Variants in HYCC2 observed in about 807,000 individuals in gnomAD.
The protein encoded by HYCC2 is hyccin 2.
chr2:201,058,011 C>A, the HYCC2 span, among the ~76,000 whole-genome samples: 1 of 152,158 alleles, frequency 6.6e-6, no homozygotes, highest in African/African-American at 2.4e-5. Context: ...TTCCCCTCAC[C>A]AATGCTGATC....
At chr2:201,013,809 C>A in the HYCC2 span, among the ~76,000 whole-genome samples, 1 of 152,144 alleles carries the variant, frequency 6.6e-6, no homozygotes, top group Non-Finnish European at 1.5e-5. Context: ...AAGCCAAGTA[C>A]TTTTGATTTA....
chr2:201,045,909 C>T, the HYCC2 span, among the ~76,000 whole-genome samples: 1 of 152,136 alleles, frequency 6.6e-6, no homozygotes, highest in Admixed American at 6.6e-5. Context: ...CCCTTCCAGA[C>T]AAAAATTCTA....
At chr2:201,005,498 A>C in the HYCC2 span, among the ~76,000 whole-genome samples, 1 of 152,162 alleles carries the variant, frequency 6.6e-6, no homozygotes, top group African/African-American at 2.4e-5. Flanking sequence ...TAAGCAAAAA[A>C]ACCGGAACTA....
At chr2:201,025,928 G>A in the HYCC2 span, among the ~76,000 whole-genome samples, 87 of 152,148 alleles carry the variant, frequency 5.7e-4, 1 homozygote, top group South Asian at 0.017. Flanking sequence ...AGCTGGGTGC[G>A]CTAATATCAT....
the HYCC2 span, among the ~76,000 whole-genome samples, chr2:201,059,151 T>G: frequency 6.6e-6 from 1 of 152,192 alleles, no homozygotes; most frequent in Non-Finnish European, 1.5e-5. Flanking sequence ...TACAGTCAGG[T>G]CTCCTGAGTC....
the HYCC2 span, chr2:201,052,303 G>A: frequency 1.1e-4 from 17 of 152,372 alleles, no homozygotes; most frequent in African/African-American, 3.9e-4. Flanking sequence ...AAAAAAACAC[G>A]GAAGAAAATA....
the HYCC2 span, among the ~76,000 whole-genome samples, chr2:201,004,273 A>C: frequency 6.6e-6 from 1 of 152,244 alleles, no homozygotes; most frequent in African/African-American, 2.4e-5. Flanking sequence ...CATAAGTAGG[A>C]TATGTCAATG....
chr2:200,981,718 C>G, the HYCC2 span: 1 of 1,614,120 alleles, frequency 6.2e-7, no homozygotes, highest in Non-Finnish European at 8.5e-7. This position sits in a 1 kb window ranked among gnomAD's most constrained non-coding sequence, Gnocchi z 4.5. Flanking sequence ...CTTGGCTGAA[C>G]GCCCAGTTGC....
At chr2:201,011,884 C>G in the HYCC2 span, among the ~76,000 whole-genome samples, 4 of 152,104 alleles carry the variant, frequency 2.6e-5, no homozygotes, top group African/African-American at 9.7e-5. Flanking sequence ...TCCACACTTA[C>G]GAAAACAAGA....
At chr2:201,063,957 G>T in the HYCC2 span, 1 of 1,597,508 alleles carries the variant, frequency 6.3e-7, no homozygotes, top group Non-Finnish European at 8.5e-7. Context: ...GGCCCCTATG[G>T]CGGTGGAGGC....
the HYCC2 span, among the ~76,000 whole-genome samples, chr2:201,026,054 T>C: frequency 3.3e-5 from 5 of 152,180 alleles, no homozygotes; most frequent in African/African-American, 7.2e-5. Context: ...ATAAGTATGC[T>C]GTATTCAGGA....
the HYCC2 span, among the ~76,000 whole-genome samples, chr2:201,055,960 G>A: frequency 2.6e-5 from 4 of 152,004 alleles, no homozygotes; most frequent in Admixed American, 6.6e-5. Flanking sequence ...AGGCCGAGGC[G>A]GGTGGATCAC....
the HYCC2 span, among the ~76,000 whole-genome samples, chr2:201,010,221 C>G: frequency 6.6e-6 from 1 of 152,088 alleles, no homozygotes; most frequent in East Asian, 1.9e-4. Context: ...CAGAAATATA[C>G]TGTGCTAAAA....
the HYCC2 span, among the ~76,000 whole-genome samples, chr2:201,042,005 G>C: frequency 0.026 from 4,008 of 151,428 alleles, 80 homozygotes; most frequent in Non-Finnish European, 0.04. Flanking sequence ...CTCTGATGCC[G>C]AGCCGAGGCT....
the HYCC2 span, chr2:200,997,575 A>T: frequency 7.5e-7 from 1 of 1,339,846 alleles, no homozygotes; most frequent in Non-Finnish European, 1.1e-6. Context: ...AAAGGATTAC[A>T]AATAATTACT....
chr2:201,006,295 A>ATTTTTTTTTTT, the HYCC2 span, among the ~76,000 whole-genome samples: 1 of 134,784 alleles, frequency 7.4e-6, no homozygotes, highest in Non-Finnish European at 1.6e-5. Flanking sequence ...CGCCTGGTTA[A>ATTTTTTTTTTT]TTTTTTTTTT....
the HYCC2 span, among the ~76,000 whole-genome samples, chr2:201,037,958 C>T: frequency 6.6e-6 from 1 of 152,078 alleles, no homozygotes; most frequent in Non-Finnish European, 1.5e-5. Flanking sequence ...AACAGGCAAC[C>T]TACAGAATGA....
chr2:201,070,193 G>A, the HYCC2 span, among the ~76,000 whole-genome samples: 1 of 151,794 alleles, frequency 6.6e-6, no homozygotes, highest in Non-Finnish European at 1.5e-5. Context: ...ACATTTTATT[G>A]TGGAAACAAT....
At chr2:200,981,650 G>A in the HYCC2 span, 20 of 1,614,062 alleles carry the variant, frequency 1.2e-5, no homozygotes, top group African/African-American at 5.3e-5. This position sits in a 1 kb window ranked among gnomAD's most constrained non-coding sequence, Gnocchi z 4.5. Flanking sequence ...TACTGCTTGC[G>A]AACTACTGAA....
Sources: allele counts gnomAD v4.1 joint callset (sites outside exome capture counted in the v4.1 genomes callset), GRCh38; gene constraint gnomAD v4.1.1; non-coding constraint Gnocchi (gnomAD v3.1); transcripts MANE v1.5; gene names NCBI Gene and HGNC (gene_info 2026-07-23, HGNC 2026-07-21).